The following PRKG1 variants were observed in gnomAD, a reference collection of about 807,000 sequenced individuals.
The protein encoded by PRKG1 is protein kinase cGMP-dependent 1.
Under a neutral mutation model 88.1 loss-of-function variants are expected in PRKG1, and 35 were observed. The observed-to-expected ratio is 0.40, with a 90% CI of 0.30 to 0.53. The LOEUF (loss-of-function observed/expected upper bound fraction) is 0.53, where lower values mean the gene tolerates loss of function less well. PRKG1 is among the 20% of genes least tolerant of loss of function. PRKG1 has a pLI of 0.59. For missense variants in PRKG1, 540 were observed against 839.8 expected, an observed-to-expected ratio of 0.64 and a Z score of 4.41; for synonymous variants, 303 against 292.5, an observed-to-expected ratio of 1.04 and a Z score of -0.37.
intron 4 of PRKG1, among the ~76,000 whole-genome samples, chr10:51,817,189 A>G (rs113652025): frequency 4.6e-5 from 7 of 152,120 alleles, no homozygotes; most frequent in Non-Finnish European, 7.4e-5. Context: ...CAGATTTTGT[A>G]CTTATTTTTA....
intron 2 of PRKG1, among the ~76,000 whole-genome samples, chr10:51,169,997 C>T (rs1210602181): frequency 6.6e-6 from 1 of 151,886 alleles, no homozygotes; most frequent in African/African-American, 2.4e-5. Flanking sequence ...CTCTGAAGCA[C>T]TATTGCTCTT....
At chr10:51,325,954 A>T (rs1841581710) in intron 2 of PRKG1, among the ~76,000 whole-genome samples, 1 of 152,148 alleles carries the variant, frequency 6.6e-6, no homozygotes, top group African/African-American at 2.4e-5. Flanking sequence ...GTTTTAGAAA[A>T]GAGAGGGAGA....
chr10:51,390,994 G>A (rs1474510529), intron 2 of PRKG1, among the ~76,000 whole-genome samples: 3 of 152,132 alleles, frequency 2.0e-5, no homozygotes, highest in Non-Finnish European at 4.4e-5. Flanking sequence ...TTTAGTCTTC[G>A]TAAACATCAT....
chr10:52,073,456 C>G (rs1297988100), intron 7 of PRKG1, among the ~76,000 whole-genome samples: 4 of 152,204 alleles, frequency 2.6e-5, no homozygotes, highest in Admixed American at 2.0e-4. Flanking sequence ...GCCGCAGTCT[C>G]ATGATCAGCT....
At chr10:52,147,510 G>A (rs1837763090) in intron 8 of PRKG1, among the ~76,000 whole-genome samples, 1 of 152,152 alleles carries the variant, frequency 6.6e-6, no homozygotes, top group Non-Finnish European at 1.5e-5. Flanking sequence ...TTGCTGTATT[G>A]GAATTCCAGG....
intron 3 of PRKG1, among the ~76,000 whole-genome samples, chr10:51,756,234 C>T (rs550850896): frequency 1.1e-4 from 17 of 152,238 alleles, no homozygotes; most frequent in African/African-American, 4.1e-4. Context: ...TGTAATCCCT[C>T]CAAGTGCTTT....
rs71032630 is a variant in PRKG1 at position 52,224,808 on chromosome 10, C to CATATATATATAT, written c.1077-26742_1077-26731dup. Among the ~76,000 whole-genome samples the CATATATATATAT allele has an allele frequency of 3.5e-3, 369 of 106,296 alleles. 12 individuals are homozygous for CATATATATATAT. Among genetic ancestry groups the CATATATATATAT allele is most frequent in the Middle Eastern group, 0.013 (3 of 226 alleles). The allele number at this position is 106,296 out of a possible 152,430, so 69.7% of individuals were successfully genotyped here. ...TTTTTATGGCTGCATAGTATTCCAT[C>CATATATATATAT]ATATATATATATATATATATATATA... On this transcript the variant is annotated intron_variant, in intron 9 of 17. Transcript: ENST00000373980.
At chr10:51,291,380 C>A (rs1840578194) in intron 2 of PRKG1, among the ~76,000 whole-genome samples, 1 of 152,104 alleles carries the variant, frequency 6.6e-6, no homozygotes, top group African/African-American at 2.4e-5. Context: ...CTGGGCCCCA[C>A]TCGGATCTTC....
chr10:52,294,801 G>T lies in PRKG1; in HGVS notation c.*901G>T, dbSNP rs1842347578. The T allele has an allele frequency of 6.6e-6, 1 of 152,462 alleles. No homozygotes were observed. Among genetic ancestry groups the T allele is most frequent in the Admixed American group, 6.6e-5 (1 of 15,226 alleles). The allele number at this position is 152,462 out of a possible 1,614,324, so 9.4% of individuals were successfully genotyped here. The stretch of plus-strand genomic sequence containing the variant: ...AGTATTCCCTTTTATAAAAATAAAT[G>T]CTTGGGGTAGGGTGGAGTGGGGAGG... On this transcript the variant is annotated 3_prime_UTR_variant, in exon 18 of 18. Transcript: ENST00000373980.
intron 2 of PRKG1, among the ~76,000 whole-genome samples, chr10:51,329,691 G>A (rs1841680700): frequency 6.6e-6 from 1 of 152,132 alleles, no homozygotes; most frequent in African/African-American, 2.4e-5. Flanking sequence ...AGCTTTGCTG[G>A]CTACAGTATT....
chr10:51,563,627 C>T (rs927154866), intron 3 of PRKG1, among the ~76,000 whole-genome samples: 12 of 152,026 alleles, frequency 7.9e-5, no homozygotes, highest in Non-Finnish European at 1.0e-4. Flanking sequence ...ACTGTTACTC[C>T]GTTACCCAAA....
chr10:51,742,891 G>A (rs1023348184), intron 3 of PRKG1, among the ~76,000 whole-genome samples: 8 of 152,048 alleles, frequency 5.3e-5, no homozygotes, highest in Non-Finnish European at 1.0e-4. Context: ...GAGGTGGGGG[G>A]CAAGGGGAGA....
intron 5 of PRKG1, among the ~76,000 whole-genome samples, chr10:51,986,864 A>T (rs1457052533): frequency 6.6e-6 from 1 of 152,180 alleles, no homozygotes; most frequent in Non-Finnish European, 1.5e-5. Flanking sequence ...ACAGGAAAAA[A>T]TACGCTTCTA....
intron 4 of PRKG1, among the ~76,000 whole-genome samples, chr10:51,827,061 T>G (rs769126167): frequency 4.6e-5 from 7 of 152,154 alleles, no homozygotes; most frequent in Non-Finnish European, 8.8e-5. Flanking sequence ...TTATTTTAAC[T>G]TGCTTATAAA....
At chr10:52,107,479 G>C (rs989122404) in intron 7 of PRKG1, among the ~76,000 whole-genome samples, 8 of 152,182 alleles carry the variant, frequency 5.3e-5, no homozygotes, top group African/African-American at 1.7e-4. Flanking sequence ...CTGCTGAGCA[G>C]TGAGAGTCAT....
intron 3 of PRKG1, among the ~76,000 whole-genome samples, chr10:51,799,482 G>C (rs1022417061): frequency 1.3e-5 from 2 of 151,862 alleles, no homozygotes; most frequent in Non-Finnish European, 2.9e-5. Flanking sequence ...AGTTGTGGTG[G>C]TGGTAGGATA....
At chr10:52,254,334 A>C (rs551650460) in intron 10 of PRKG1, among the ~76,000 whole-genome samples, 1 of 152,150 alleles carries the variant, frequency 6.6e-6, no homozygotes, top group Admixed American at 6.6e-5. Context: ...CTAAGCAATA[A>C]ATCTTCATAT....
chr10:51,044,142 A>G lies in PRKG1; in HGVS notation c.266+52498A>G, dbSNP rs1843458736. Among the ~76,000 whole-genome samples, 5 of 152,114 alleles carry G rather than the reference A, an allele frequency of 3.3e-5. No individual in the cohort carries two copies. In the South Asian group the frequency reaches 1.0e-3, roughly 32 times the overall value. ...ATCCTCCATGACTTCCATTTTCTCA[A>G]ATGAGAAGACCAACACACTCACTCT... On this transcript the variant is annotated intron_variant, in intron 1 of 17. Transcript: ENST00000401604.
At chr10:51,000,677 A>G (rs1156909746) in intron 1 of PRKG1, among the ~76,000 whole-genome samples, 1 of 152,210 alleles carries the variant, frequency 6.6e-6, no homozygotes, top group Admixed American at 6.5e-5. Context: ...ACATACAACA[A>G]TCACATCAAA....
Sources: allele counts gnomAD v4.1 joint callset (sites outside exome capture counted in the v4.1 genomes callset), GRCh38; gene constraint gnomAD v4.1.1; transcripts MANE v1.5; gene names NCBI Gene and HGNC (gene_info 2026-07-23, HGNC 2026-07-21).